AGBL4: variants seen among roughly 807,000 people sequenced by gnomAD.
AGBL4 encodes cytosolic carboxypeptidase 6.
Under a neutral mutation model 66.4 loss-of-function variants are expected in AGBL4, and 58 were observed. The ratio of observed to expected loss-of-function variants is 0.87; its 90% CI spans 0.71 to 1.09. The LOEUF (loss-of-function observed/expected upper bound fraction) is 1.09, where lower values mean the gene tolerates loss of function less well. AGBL4 is among the 50% of genes least tolerant of loss of function. The probability of loss-of-function intolerance (pLI) is 0.00; values close to 1 mark genes in which losing one functional copy is unlikely to be tolerated. For missense variants in AGBL4, 579 were observed against 631.0 expected, an observed-to-expected ratio of 0.92 and a Z score of 0.88; for synonymous variants, 234 against 222.9, an observed-to-expected ratio of 1.05 and a Z score of -0.44.
chr1:49,658,376 G>A (rs180750176), intron 3 of AGBL4, among the ~76,000 whole-genome samples: 2 of 152,312 alleles, frequency 1.3e-5, no homozygotes, highest in East Asian at 1.9e-4. Context: ...TGGAGAGGAT[G>A]TGGAGAAATA....
At chr1:48,630,968 C>T (rs956785757) in intron 9 of AGBL4, among the ~76,000 whole-genome samples, 1 of 152,162 alleles carries the variant, frequency 6.6e-6, no homozygotes. Flanking sequence ...CTGTGCTTTA[C>T]TCTATAAATG....
At chr1:49,549,802 T>C (rs185616595) in intron 3 of AGBL4, among the ~76,000 whole-genome samples, 5 of 152,316 alleles carry the variant, frequency 3.3e-5, no homozygotes, top group African/African-American at 7.2e-5. Context: ...AGTCCATTTG[T>C]TCCAAGGTAT....
At chr1:48,821,069 G>GT (rs1187910874) in intron 6 of AGBL4, among the ~76,000 whole-genome samples, 2 of 152,156 alleles carry the variant, frequency 1.3e-5, no homozygotes, top group Non-Finnish European at 2.9e-5. Context: ...TCTTACACCA[G>GT]TAAGAATGGC....
intron 3 of AGBL4, among the ~76,000 whole-genome samples, chr1:49,397,022 C>T (rs1312674668): frequency 1.3e-5 from 2 of 152,170 alleles, no homozygotes; most frequent in East Asian, 3.8e-4. Context: ...CTCGCATGCA[C>T]AGTTCACAAT....
At chr1:49,077,248 T>C (rs1644729198) in intron 4 of AGBL4, among the ~76,000 whole-genome samples, 1 of 152,108 alleles carries the variant, frequency 6.6e-6, no homozygotes, top group Non-Finnish European at 1.5e-5. Flanking sequence ...ATATTTTTTG[T>C]TTATAAAAAT....
chr1:49,494,364 C>G (rs549942791), intron 3 of AGBL4, among the ~76,000 whole-genome samples: 1 of 151,622 alleles, frequency 6.6e-6, no homozygotes, highest in Non-Finnish European at 1.5e-5. Context: ...CATGCTGGTG[C>G]GCTGCACCCA....
chr1:49,837,107 T>C (rs1645870765), intron 2 of AGBL4, among the ~76,000 whole-genome samples: 1 of 152,210 alleles, frequency 6.6e-6, no homozygotes, highest in South Asian at 2.1e-4. Context: ...ACTGCTATCT[T>C]CAGAGCCTGC....
intron 3 of AGBL4, among the ~76,000 whole-genome samples, chr1:49,542,036 G>A (rs1361776534): frequency 6.6e-6 from 1 of 152,034 alleles, no homozygotes; most frequent in African/African-American, 2.4e-5. Flanking sequence ...GTTTGTAAAT[G>A]CACCAATCAG....
At chr1:49,031,162 A>C (rs889616611) in intron 5 of AGBL4, among the ~76,000 whole-genome samples, 1 of 152,142 alleles carries the variant, frequency 6.6e-6, no homozygotes, top group Non-Finnish European at 1.5e-5. Flanking sequence ...ATGACACCTC[A>C]CTACAGCCTT....
At chr1:49,536,659 C>T (rs1383455412) in intron 3 of AGBL4, among the ~76,000 whole-genome samples, 1 of 152,134 alleles carries the variant, frequency 6.6e-6, no homozygotes, top group African/African-American at 2.4e-5. Context: ...AATTATATTA[C>T]AAGGCTATAG....
intron 1 of AGBL4, among the ~76,000 whole-genome samples, chr1:49,883,180 C>G (rs188934503): frequency 1.3e-5 from 2 of 152,204 alleles, no homozygotes; most frequent in African/African-American, 4.8e-5. Flanking sequence ...TTTATTAATA[C>G]AACACTACCA....
At chr1:48,893,766 G>C (rs965746077) in intron 5 of AGBL4, among the ~76,000 whole-genome samples, 1 of 152,114 alleles carries the variant, frequency 6.6e-6, no homozygotes, top group South Asian at 2.1e-4. Flanking sequence ...TACCATGCGA[G>C]GCTACAAGAA....
intron 1 of AGBL4, among the ~76,000 whole-genome samples, chr1:49,978,026 A>C (rs2148377829): frequency 6.6e-6 from 1 of 152,330 alleles, no homozygotes; most frequent in Admixed American, 6.5e-5. Context: ...CTGATTTTCA[A>C]CGTGCCTGAA....
At chr1:49,530,282 A>AAAAAAAAAAT (rs1558025489) in intron 3 of AGBL4, among the ~76,000 whole-genome samples, 1 of 145,416 alleles carries the variant, frequency 6.9e-6, no homozygotes, top group African/African-American at 2.5e-5. Flanking sequence ...ACAAAAAAAA[A>AAAAAAAAAAT]CTCTATGAGT....
intron 5 of AGBL4, among the ~76,000 whole-genome samples, chr1:48,896,888 A>G (rs959338243): frequency 1.3e-5 from 2 of 152,168 alleles, no homozygotes; most frequent in East Asian, 3.8e-4. Context: ...TTTTGGGACT[A>G]GTTCTGAATG....
At chr1:49,395,765 A>ATGTGTATATATG (rs1410440965) in intron 3 of AGBL4, among the ~76,000 whole-genome samples, 3 of 142,474 alleles carry the variant, frequency 2.1e-5, no homozygotes, top group Admixed American at 7.2e-5. Context: ...ATATATATAC[A>ATGTGTATATATG]CATATATATA....
intron 2 of AGBL4, chr1:49,845,448 C>G: frequency 1.3e-6 from 2 of 1,488,388 alleles, no homozygotes; most frequent in South Asian, 2.3e-5. Flanking sequence ...TCCAGCAAAG[C>G]ATCCACCTCA....
chr1:48,550,372 C>T (rs1029613337), intron 11 of AGBL4, among the ~76,000 whole-genome samples: 1 of 152,032 alleles, frequency 6.6e-6, no homozygotes, highest in African/African-American at 2.4e-5. Flanking sequence ...GTTGGCATTC[C>T]TTGCTTTGTG....
At chr1:48,975,989 T>C (rs2148958852) in intron 5 of AGBL4, among the ~76,000 whole-genome samples, 1 of 152,224 alleles carries the variant, frequency 6.6e-6, no homozygotes, top group East Asian at 1.9e-4. Context: ...GTCCACTTTG[T>C]TTGAACAGAG....
Sources: allele counts gnomAD v4.1 joint callset (sites outside exome capture counted in the v4.1 genomes callset), GRCh38; gene constraint gnomAD v4.1.1; transcripts MANE v1.5; gene names NCBI Gene and HGNC (gene_info 2026-07-23, HGNC 2026-07-21).